The following DNAH2 variants were observed in gnomAD, a reference collection of about 807,000 sequenced individuals.
DNAH2 encodes the protein dynein axonemal heavy chain 2.
Under a neutral mutation model 523.5 loss-of-function variants are expected in DNAH2, and 323 were observed. The observed-to-expected ratio is 0.62, with a 90% CI of 0.56 to 0.68. The LOEUF is 0.68. Among genes scored for constraint, DNAH2 ranks in the 30% least tolerant of loss-of-function variants. The probability of loss-of-function intolerance (pLI) is 0.00; values close to 1 mark genes in which losing one functional copy is unlikely to be tolerated. For missense variants in DNAH2, 4,907 were observed against 5,701.5 expected, an observed-to-expected ratio of 0.86 and a Z score of 4.49; for synonymous variants, 2,093 against 2,177.4, an observed-to-expected ratio of 0.96 and a Z score of 1.08.
chr17:7,817,496 G>A (rs1418955257), intron 65 of DNAH2, 65 bp from the exon 66 acceptor site: 34 of 1,613,300 alleles, frequency 2.1e-5, no homozygotes, highest in African/African-American at 2.7e-5. Context: ...AAGAGATACC[G>A]TGAAGGCGCG....
At position 7,733,475 on chromosome 17, in the gene DNAH2, C is replaced by CTTTTTTTTTTTTTTTTTTTTTTTTTT; in HGVS notation, c.628+180_628+181insTTTTTTTTTTTTTTTTTTTTTTTTTT. Among the ~76,000 whole-genome samples the CTTTTTTTTTTTTTTTTTTTTTTTTTT allele has an allele frequency of 5.4e-4, 61 of 113,858 alleles. 4 individuals are homozygous for CTTTTTTTTTTTTTTTTTTTTTTTTTT. The highest frequency in any genetic ancestry group is 8.8e-4 in the Non-Finnish European group (46 of 52,454). 74.7% of individuals were successfully genotyped at this position (113,858 alleles called of 152,430 possible). On this transcript the variant is annotated intron_variant, in intron 5 of 85. Transcript: ENST00000572933. Reference sequence around the variant, plus strand: ...AGGGTACAAGATCCGCCTTCTTCTTCTTTTTTTTTTTTTTTTTTTTGAGAT... The same window carrying CTTTTTTTTTTTTTTTTTTTTTTTTTT: ...AGGGTACAAGATCCGCCTTCTTCTTCTTTTTTTTTTTTTTTTTTTTTTTTTTTTTTTTTTTTTTTTTTTTTTGAGAT...
chr17:7,729,571 C>T (rs1005839275), intron 4 of DNAH2, among the ~76,000 whole-genome samples: 1 of 152,140 alleles, frequency 6.6e-6, no homozygotes, highest in African/African-American at 2.4e-5. Context: ...TATGGGATTA[C>T]AGGCATGTAC....
At chr17:7,772,917 C>A (rs772745946) in intron 28 of DNAH2, among the ~76,000 whole-genome samples, 43 of 152,256 alleles carry the variant, frequency 2.8e-4, no homozygotes, top group Non-Finnish European at 4.6e-4. Flanking sequence ...GGACTACAGG[C>A]GTGTGCCACC....
chr17:7,746,935 C>CGA (rs1216086561), intron 12 of DNAH2, among the ~76,000 whole-genome samples: 1 of 150,334 alleles, frequency 6.7e-6, no homozygotes, highest in Non-Finnish European at 1.5e-5. Flanking sequence ...TGCAGTGAGC[C>CGA]GAGAATGCGC....
chr17:7,739,605 TTC>T, intron 8 of DNAH2, 126 bp from the exon 9 acceptor site: 5 of 923,060 alleles, frequency 5.4e-6, no homozygotes, highest in Non-Finnish European at 4.8e-6. Flanking sequence ...TATTTTCTTC[TTC>T]TTTTTTTTTT....
Position 7,742,888 on chromosome 17 carries a change from T to TATCATTAAAAAAAAAA in DNAH2, c.1690-40_1690-39insATCATTAAAAAAAAAA. 2.1e-6 allele frequency: 3 copies of TATCATTAAAAAAAAAA among 1,401,644 alleles called. No homozygotes were observed. In the African/African-American group the frequency reaches 4.4e-5, roughly 21 times the overall value. The allele number at this position is 1,401,644 out of a possible 1,614,324, so 86.8% of individuals were successfully genotyped here. A position where few individuals can be genotyped will look rare whatever the true frequency, so the allele number is the denominator to read the frequency against. ...GGAGATGGTGGCCCCTGGAGGAAGG[T>TATCATTAAAAAAAAAA]GGCAGGCCGACTCCACCCACCTGTT... is the stretch of plus-strand genomic sequence containing the variant. On this transcript the variant is annotated intron_variant, in intron 11 of 85. Transcript: ENST00000572933.
At chr17:7,763,318 T>C (rs1007967479) in intron 18 of DNAH2, among the ~76,000 whole-genome samples, 8 of 152,056 alleles carry the variant, frequency 5.3e-5, no homozygotes, top group African/African-American at 1.9e-4. Flanking sequence ...GCCACCGCAC[T>C]TGGCTAATTT....
intron 5 of DNAH2, 90 bp downstream of exon 5, chr17:7,733,405 G>C: frequency 8.2e-7 from 1 of 1,223,356 alleles, no homozygotes; most frequent in Non-Finnish European, 1.2e-6. Context: ...CTGAGCACCT[G>C]TGTGGAGGAG....
At position 7,754,354 on chromosome 17, in the gene DNAH2, G is replaced by A. The variant is rs981571136; in HGVS notation, c.1905-2737G>A. 1.2e-4 allele frequency: 56 copies of A among 480,778 alleles called. 1 individual carries two copies. The Admixed American group carries it at 1.6e-3, about 14-fold the overall frequency. 29.8% of individuals were successfully genotyped at this position (480,778 alleles called of 1,614,324 possible). On this transcript the variant is annotated intron_variant, in intron 12 of 85. Transcript: ENST00000572933. This position sits in a 1 kb window ranked among gnomAD's most constrained non-coding sequence, Gnocchi z 4.6. ...ACTAGAATAGGCAGCCCAGGCTTCC[G>A]GTTCTAGGTGCTTCAGGAGCCGTGG...
intron 18 of DNAH2, 91 bp downstream of exon 18, chr17:7,761,023 G>A (rs1299301158): frequency 2.0e-6 from 3 of 1,492,438 alleles, no homozygotes; most frequent in Non-Finnish European, 2.7e-6. Flanking sequence ...AGTGGGTAGG[G>A]GAGCTGAGGA....
chr17:7,764,593 T>A (rs1273277975), intron 20 of DNAH2, among the ~76,000 whole-genome samples: 1 of 151,514 alleles, frequency 6.6e-6, no homozygotes, highest in East Asian at 1.9e-4. Flanking sequence ...CCCAAGTAGC[T>A]GGGAACACAG....
In DNAH2 at chr17:7,801,717, C is replaced by G; in HGVS notation, c.8832+7C>G. 1 of 1,613,848 alleles carries G rather than the reference C, an allele frequency of 6.2e-7. No individual in the cohort carries two copies. The highest frequency in any genetic ancestry group is 8.5e-7 in the Non-Finnish European group (1 of 1,179,960). ...CCTGGGAACTCAGGAGAATGTGAGC[C>G]CCTCCTCCCCACCTCTCATTGCATC... On this transcript the variant is annotated splice_region_variant and intron_variant, in intron 57 of 85. Coordinates refer to ENST00000572933, the MANE Select transcript of DNAH2 (RefSeq NM_020877.5).
At position 7,740,950 on chromosome 17, in the gene DNAH2, C is replaced by T. The variant is rs765901906; in HGVS notation, c.1647C>T (p.Arg549=). The change falls in exon 11 of 86, where the codon CGC becomes CGT. Residue 549 remains arginine (R), a synonymous_variant. Transcript: ENST00000572933. ...PYVAQYSGKA[R]WVHILRRRID... is the part of the protein sequence containing the mutation. ...TGGCCCAGTATTCCGGAAAGGCGCGCTGGGTGCACATCCTCCGGCGTCGCA... is the reference window on the plus strand; with the variant it reads ...TGGCCCAGTATTCCGGAAAGGCGCGTTGGGTGCACATCCTCCGGCGTCGCA... 6.2e-7 allele frequency: 1 copy of T among 1,611,752 alleles called. No individual in the cohort carries two copies. The highest frequency in any genetic ancestry group is 8.5e-7 in the Non-Finnish European group (1 of 1,178,058).
intron 21 of DNAH2, 85 bp downstream of exon 21, chr17:7,765,650 C>G: frequency 2.7e-6 from 4 of 1,493,726 alleles, no homozygotes. Context: ...AAGGCGAGAA[C>G]TGGGAGGGGA....
chr17:7,743,263 G>A, intron 12 of DNAH2, 121 bp downstream of exon 12: 2 of 1,110,302 alleles, frequency 1.8e-6, no homozygotes, highest in Non-Finnish European at 2.7e-6. Context: ...CAATATGTTT[G>A]CTATCGTCAT....
rs940158861 is a variant in DNAH2 at position 7,817,598 on chromosome 17, C to T, written c.10058C>T (p.Ala3353Val). The T allele has an allele frequency of 2.5e-6, 4 of 1,614,166 alleles. No homozygotes were observed. Among genetic ancestry groups the T allele is most frequent in the Non-Finnish European group, 2.5e-6 (3 of 1,180,026 alleles). Residue 3353 changes from alanine (A) to valine (V), a missense_variant, in exon 66 of 86, where the codon GCC (alanine) becomes GTC (valine). This residue lies in a region of DNAH2 where 1,851 missense variants were observed against 2,139.4 expected (regional missense o/e 0.87). Transcript: ENST00000572933. ...CAGGTTCCTTGCTCCCCTTCTTTCG[C>T]CATCGATAACTTCCTGTGCAATCCT... Reference protein sequence around the residue: ...ELQVPCSPSFAIDNFLCNPTK... With the variant: ...ELQVPCSPSFVIDNFLCNPTK...
At chr17:7,796,334 C>A in intron 49 of DNAH2, 130 bp from the exon 50 acceptor site, 1 of 1,000,456 alleles carries the variant, frequency 1.0e-6, no homozygotes, top group Admixed American at 2.9e-5. Context: ...CAGGCATGAG[C>A]CACCGTGCCC....
In DNAH2 at chr17:7,764,184, C is replaced by A; in HGVS notation, c.3247C>A (p.His1083Asn). 1 of 1,614,192 alleles carries A rather than the reference C, an allele frequency of 6.2e-7. No homozygotes were observed. The highest frequency in any genetic ancestry group is 8.5e-7 in the Non-Finnish European group (1 of 1,180,034). ...CTTGCAGCTCGTGGATGCCCTGAAG[C>A]ACGACTTGGCCAACGTGGAGACTCA... ...VSLQLVDALK[H>N]DLANVETQIP... is the part of the protein sequence containing the mutation. Residue 1083 changes from histidine (H) to asparagine (N), a missense_variant, in exon 20 of 86, where the codon CAC (histidine) becomes AAC (asparagine). Transcript: ENST00000572933.
At chr17:7,759,968 A>G (rs1567652586) in intron 17 of DNAH2, 30 bp downstream of exon 17, 12 of 1,614,060 alleles carry the variant, frequency 7.4e-6, no homozygotes, top group East Asian at 2.2e-5. Context: ...GGCACAAGGC[A>G]CAGGGTTTCA....
Sources: allele counts gnomAD v4.1 joint callset (sites outside exome capture counted in the v4.1 genomes callset), GRCh38; gene constraint gnomAD v4.1.1; regional missense constraint gnomAD v4.1.1; non-coding constraint Gnocchi (gnomAD v3.1); transcripts MANE v1.5; gene names NCBI Gene and HGNC (gene_info 2026-07-23, HGNC 2026-07-21).